GRID2: variants seen among roughly 807,000 people sequenced by gnomAD.
GRID2 encodes glutamate receptor ionotropic, delta-2.
Under a neutral mutation model 114.8 loss-of-function variants are expected in GRID2, and 33 were observed. That is an observed-to-expected ratio of 0.29 (90% CI 0.22 to 0.38). The LOEUF (loss-of-function observed/expected upper bound fraction) is 0.38, where lower values mean the gene tolerates loss of function less well. Ranked by LOEUF, GRID2 falls within the 10% of genes least tolerant of loss-of-function variation. GRID2 has a pLI of 1.00. For synonymous variants in GRID2, 505 were observed against 449.9 expected (o/e 1.12, Z -1.55); for missense variants, 1,184 against 1,257.7 (o/e 0.94, Z 0.89).
chr4:92,886,604 T>A (rs1366735169), intron 2 of GRID2, among the ~76,000 whole-genome samples: 3 of 151,852 alleles, frequency 2.0e-5, no homozygotes, highest in African/African-American at 7.2e-5. Context: ...TTAAATTTAA[T>A]TTTATTTAAT....
At chr4:93,206,613 C>G (rs1380746308) in intron 4 of GRID2, among the ~76,000 whole-genome samples, 1 of 151,708 alleles carries the variant, frequency 6.6e-6, no homozygotes, top group Non-Finnish European at 1.5e-5. Context: ...CACACACACA[C>G]ACACACACAC....
At chr4:93,231,776 C>T (rs1746178372) in intron 7 of GRID2, among the ~76,000 whole-genome samples, 1 of 152,180 alleles carries the variant, frequency 6.6e-6, no homozygotes, top group African/African-American at 2.4e-5. Flanking sequence ...ATCAAACTTT[C>T]ATCTCTTCCT....
intron 8 of GRID2, among the ~76,000 whole-genome samples, chr4:93,389,706 G>A (rs1764657008): frequency 6.6e-6 from 1 of 151,912 alleles, no homozygotes; most frequent in Non-Finnish European, 1.5e-5. Flanking sequence ...AAGGAAACCA[G>A]TCAAAATAAT....
At chr4:93,054,413 A>G (rs917821909) in intron 2 of GRID2, among the ~76,000 whole-genome samples, 1 of 151,730 alleles carries the variant, frequency 6.6e-6, no homozygotes, top group Non-Finnish European at 1.5e-5. Flanking sequence ...TTATTTTGCC[A>G]GTCTTTCTCT....
chr4:92,777,814 C>T (rs927697276), intron 2 of GRID2, among the ~76,000 whole-genome samples: 5 of 151,166 alleles, frequency 3.3e-5, no homozygotes, highest in African/African-American at 4.9e-5. Flanking sequence ...TTGGGAGAAA[C>T]CAACCCTGCC....
In GRID2 at chr4:93,216,746, C is replaced by T. The variant is rs755074343; in HGVS notation, c.798C>T (p.Asn266=). The part of the protein sequence containing the change: ...CHWIIINEEI[N]DVDVQELVRR... ...CACCTCTTATCTTATAGGAAATAAA[C>T]GATGTGGACGTACAGGAACTTGTAA... Residue 266 remains asparagine, a synonymous_variant, in exon 6 of 16, where the codon AAC becomes AAT. Transcript: ENST00000282020. The T allele has an allele frequency of 1.3e-5, 21 of 1,602,710 alleles. No individual in the cohort carries two copies. Among genetic ancestry groups the T allele is most frequent in the African/African-American group, 2.7e-5 (2 of 74,628 alleles).
At chr4:93,147,043 T>G (rs917319992) in intron 4 of GRID2, among the ~76,000 whole-genome samples, 6 of 152,190 alleles carry the variant, frequency 3.9e-5, no homozygotes, top group Non-Finnish European at 7.4e-5. Flanking sequence ...TAAAGGTCTA[T>G]GCCATATTTT....
intron 2 of GRID2, among the ~76,000 whole-genome samples, chr4:92,627,245 A>G (rs541741800): frequency 6.6e-5 from 10 of 152,218 alleles, no homozygotes; most frequent in Middle Eastern, 3.4e-3. Context: ...AGCATCTGGT[A>G]GCAGGGAGAA....
chr4:92,499,333 T>C (rs1038176226), intron 1 of GRID2, among the ~76,000 whole-genome samples: 2 of 152,150 alleles, frequency 1.3e-5, no homozygotes, highest in Admixed American at 1.3e-4. Context: ...TTTGGCAAGA[T>C]TTCTTTAGAA....
chr4:93,105,928 A>C (rs1732181971), intron 3 of GRID2, among the ~76,000 whole-genome samples: 1 of 152,182 alleles, frequency 6.6e-6, no homozygotes, highest in Non-Finnish European at 1.5e-5. Flanking sequence ...GTAATCTAGT[A>C]TATTCACAGA....
intron 2 of GRID2, among the ~76,000 whole-genome samples, chr4:92,818,535 G>C (rs1741058601): frequency 6.6e-6 from 1 of 152,046 alleles, no homozygotes; most frequent in African/African-American, 2.4e-5. Flanking sequence ...AGTCTGATTT[G>C]GTGTATTGCT....
At chr4:92,953,758 C>G (rs1486136507) in intron 2 of GRID2, among the ~76,000 whole-genome samples, 1 of 151,808 alleles carries the variant, frequency 6.6e-6, no homozygotes, top group Non-Finnish European at 1.5e-5. Flanking sequence ...TTTTTATGAA[C>G]CAAATGTCAA....
intron 1 of GRID2, among the ~76,000 whole-genome samples, chr4:92,545,914 G>A (rs1726231335): frequency 6.6e-6 from 1 of 152,046 alleles, no homozygotes; most frequent in African/African-American, 2.4e-5. Flanking sequence ...AATATTACTG[G>A]CACTGTTCCC....
chr4:93,535,816 G>A (rs1409227851), intron 13 of GRID2, among the ~76,000 whole-genome samples: 1 of 151,854 alleles, frequency 6.6e-6, no homozygotes, highest in Non-Finnish European at 1.5e-5. Context: ...CAGATGTATG[G>A]TTTGCAAATA....
At chr4:93,163,492 G>A (rs1174711582) in intron 4 of GRID2, among the ~76,000 whole-genome samples, 1 of 147,298 alleles carries the variant, frequency 6.8e-6, no homozygotes, top group East Asian at 2.0e-4. Flanking sequence ...TCAAACTCCT[G>A]GGCTCAAGTG....
intron 13 of GRID2, among the ~76,000 whole-genome samples, chr4:93,520,489 G>T (rs1730224804): frequency 6.6e-6 from 1 of 152,140 alleles, no homozygotes; most frequent in African/African-American, 2.4e-5. Flanking sequence ...GACAGGAAGT[G>T]CTCCAGGCAG....
At chr4:93,041,544 T>C (rs1030758913) in intron 2 of GRID2, among the ~76,000 whole-genome samples, 8 of 152,166 alleles carry the variant, frequency 5.3e-5, no homozygotes, top group African/African-American at 1.9e-4. Context: ...ATTCTTAACA[T>C]GTAGTTAAAC....
At chr4:92,517,684 A>G (rs1448305558) in intron 1 of GRID2, among the ~76,000 whole-genome samples, 1 of 151,920 alleles carries the variant, frequency 6.6e-6, no homozygotes, top group Non-Finnish European at 1.5e-5. Context: ...AGTTTTTACC[A>G]TAACATTTTC....
chr4:92,809,436 T>G (rs1740562942), intron 2 of GRID2, among the ~76,000 whole-genome samples: 1 of 151,970 alleles, frequency 6.6e-6, no homozygotes, highest in Non-Finnish European at 1.5e-5. Context: ...ACTCATACAG[T>G]TAGTGATTGC....
Sources: allele counts gnomAD v4.1 joint callset (sites outside exome capture counted in the v4.1 genomes callset), GRCh38; gene constraint gnomAD v4.1.1; transcripts MANE v1.5; gene names NCBI Gene and HGNC (gene_info 2026-07-23, HGNC 2026-07-21).